CACNA2D2: variants seen among roughly 807,000 people sequenced by gnomAD.
CACNA2D2 encodes calcium voltage-gated channel auxiliary subunit alpha2delta 2.
A neutral mutation model predicts 166.4 loss-of-function variants in CACNA2D2; 48 were observed. The ratio of observed to expected loss-of-function variants is 0.29; its 90% CI spans 0.23 to 0.37. CACNA2D2 has a LOEUF of 0.37. Ranked by LOEUF, CACNA2D2 falls within the 10% of genes least tolerant of loss-of-function variation. The pLI, the probability that CACNA2D2 is intolerant of heterozygous loss-of-function variation, is 1.00. For missense variants in CACNA2D2, 1,122 were observed against 1,433.0 expected, an observed-to-expected ratio of 0.78 and a Z score of 3.50; for synonymous variants, 561 against 573.7, an observed-to-expected ratio of 0.98 and a Z score of 0.32.
At chr3:50,455,482 GAT>G (rs1253153743) in intron 2 of CACNA2D2, among the ~76,000 whole-genome samples, 5 of 152,254 alleles carry the variant, frequency 3.3e-5, no homozygotes, top group Non-Finnish European at 2.9e-5. Flanking sequence ...GGCGTGGAGA[GAT>G]AAATATTTTA....
At chr3:50,412,834 G>A (rs1559924054) in intron 3 of CACNA2D2, among the ~76,000 whole-genome samples, 1 of 152,230 alleles carries the variant, frequency 6.6e-6, no homozygotes, top group Non-Finnish European at 1.5e-5. Flanking sequence ...TTTATCTGGA[G>A]GGGAGAGGGC....
chr3:50,470,339 G>T (rs559306211), intron 2 of CACNA2D2, among the ~76,000 whole-genome samples: 1 of 152,196 alleles, frequency 6.6e-6, no homozygotes, highest in African/African-American at 2.4e-5. Flanking sequence ...CCACTGGGGT[G>T]GGGGAGGCTC....
In CACNA2D2 at chr3:50,365,011, C is replaced by A. The variant is rs745964926; in HGVS notation, c.3209-41G>T. The A allele has an allele frequency of 6.5e-7, 1 of 1,536,664 alleles. No homozygotes were observed. The highest frequency in any genetic ancestry group is 2.5e-5 in the East Asian group (1 of 39,224). ...GAGTCAAGGAGGCGGACGGCGGCGG[C>A]GGCACGGAGGGGGCGCGCGGGGCAG... On this transcript the variant is annotated intron_variant, in intron 36 of 37. Coordinates refer to ENST00000424201, the MANE Select transcript of CACNA2D2 (RefSeq NM_006030.4). The surrounding 1 kb of genome is among the most constrained non-coding windows in gnomAD (Gnocchi z 4.5).
intron 3 of CACNA2D2, among the ~76,000 whole-genome samples, chr3:50,419,101 G>A (rs897277576): frequency 1.3e-5 from 2 of 152,162 alleles, no homozygotes; most frequent in African/African-American, 4.8e-5. Flanking sequence ...ATTATGGGAG[G>A]GGGAGTCTCA....
At chr3:50,374,902 C>A in intron 21 of CACNA2D2, 89 bp from the exon 22 acceptor site, 1 of 1,035,744 alleles carries the variant, frequency 9.7e-7, no homozygotes, top group Non-Finnish European at 1.5e-6. Flanking sequence ...GGCAGAGGCC[C>A]CAGCTGCAGC....
intron 2 of CACNA2D2, among the ~76,000 whole-genome samples, chr3:50,440,842 T>G (rs570254779): frequency 6.6e-6 from 1 of 151,978 alleles, no homozygotes; most frequent in South Asian, 2.1e-4. Context: ...AGGAGACACT[T>G]GGGAGTGGGG....
chr3:50,466,363 G>T (rs763440346), intron 2 of CACNA2D2, among the ~76,000 whole-genome samples: 2 of 151,998 alleles, frequency 1.3e-5, no homozygotes, highest in Non-Finnish European at 2.9e-5. Flanking sequence ...TCGCCTGCTC[G>T]GGTGACAGAG....
intron 2 of CACNA2D2, among the ~76,000 whole-genome samples, chr3:50,461,764 GAAAA>G (rs926187821): frequency 2.3e-3 from 237 of 103,706 alleles, no homozygotes; most frequent in African/African-American, 6.9e-3. Flanking sequence ...AAAAAAAAAA[GAAAA>G]AAAGAAAGAA....
At chr3:50,391,881 G>A (rs1705909366) in intron 4 of CACNA2D2, among the ~76,000 whole-genome samples, 1 of 152,204 alleles carries the variant, frequency 6.6e-6, no homozygotes, top group Non-Finnish European at 1.5e-5. Context: ...CATCTCAGAG[G>A]TAAGAAGACT....
Position 50,474,543 on chromosome 3 carries a change from T to C in CACNA2D2, c.288+1575A>G, listed in dbSNP as rs567727477. 9.2e-5 allele frequency among the ~76,000 whole-genome samples: 14 copies of C among 152,296 alleles called. No individual in the cohort carries two copies. In the South Asian group the frequency reaches 1.9e-3, roughly 20 times the overall value. On this transcript the variant is annotated intron_variant, in intron 2 of 37. Coordinates refer to ENST00000424201, the MANE Select transcript of CACNA2D2 (RefSeq NM_006030.4). ...ATGACGTATGAACACTATTTTCTCA[T>C]TGCCAGACATTCAGAGCCTGAGTTG...
chr3:50,497,564 A>G (rs1289476625), intron 1 of CACNA2D2, among the ~76,000 whole-genome samples: 5 of 152,232 alleles, frequency 3.3e-5, no homozygotes, highest in Admixed American at 2.6e-4. Context: ...GAGCGGGACC[A>G]GGACCGGGGA....
chr3:50,417,403 G>A (rs1349190204), intron 3 of CACNA2D2, among the ~76,000 whole-genome samples: 2 of 152,238 alleles, frequency 1.3e-5, no homozygotes, highest in Non-Finnish European at 2.9e-5. Context: ...ACCCTTGCTT[G>A]TGAACTCTAA....
At position 50,498,866 on chromosome 3, in the gene CACNA2D2, T is replaced by G. The variant is rs150679923; in HGVS notation, c.206+4352A>C. 8.1e-4 allele frequency among the ~76,000 whole-genome samples: 123 copies of G among 152,356 alleles called. 1 individual carries two copies. In the East Asian group the frequency reaches 9.1e-3, roughly 11 times the overall value. On this transcript the variant is annotated intron_variant, in intron 1 of 37. Transcript: ENST00000424201. ...CCAGCCCTCTGGCTGGGCAGCCAAG[T>G]GTCTGACAGATCTATCCTTTCCCCT...
intron 5 of CACNA2D2, among the ~76,000 whole-genome samples, chr3:50,386,431 G>T (rs1018507724): frequency 7.9e-5 from 12 of 152,248 alleles, no homozygotes; most frequent in Non-Finnish European, 1.8e-4. Flanking sequence ...CGCTGCTGAG[G>T]GGGGTAAGGA....
At position 50,432,181 on chromosome 3, in the gene CACNA2D2, C is replaced by G. The variant is rs536527263; in HGVS notation, c.405+2132G>C. On this transcript the variant is annotated intron_variant, in intron 3 of 37. Coordinates refer to ENST00000424201, the MANE Select transcript of CACNA2D2 (RefSeq NM_006030.4). ...CCTTTGGCTGCTCCTCCCAAGCTAT[C>G]GGAGTTGATTGTTCCTTTAGGGGTG... 3.9e-5 allele frequency among the ~76,000 whole-genome samples: 6 copies of G among 152,126 alleles called. No homozygotes were observed. In the East Asian group the frequency reaches 1.2e-3, roughly 29 times the overall value.
intron 5 of CACNA2D2, among the ~76,000 whole-genome samples, chr3:50,386,924 C>T (rs1189300253): frequency 6.6e-6 from 1 of 152,240 alleles, no homozygotes; most frequent in Non-Finnish European, 1.5e-5. Context: ...GTCTTCTCTA[C>T]AGCCACCTCC....
At chr3:50,369,488 CAG>C (rs748899461) in intron 23 of CACNA2D2, among the ~76,000 whole-genome samples, 27 of 152,364 alleles carry the variant, frequency 1.8e-4, no homozygotes, top group African/African-American at 5.8e-4. Context: ...CACACATCTA[CAG>C]AGAGAGTCAC....
chr3:50,472,560 C>T (rs533722782), intron 2 of CACNA2D2, among the ~76,000 whole-genome samples: 3 of 152,140 alleles, frequency 2.0e-5, no homozygotes, highest in African/African-American at 7.2e-5. Flanking sequence ...AGGAATGCAT[C>T]CCGGGGCTGG....
intron 2 of CACNA2D2, among the ~76,000 whole-genome samples, chr3:50,437,468 C>A (rs756391674): frequency 3.3e-5 from 5 of 152,158 alleles, no homozygotes; most frequent in Non-Finnish European, 7.3e-5. Flanking sequence ...CAAGCCTGCT[C>A]CCCAATCCCA....
Sources: allele counts gnomAD v4.1 joint callset (sites outside exome capture counted in the v4.1 genomes callset), GRCh38; gene constraint gnomAD v4.1.1; non-coding constraint Gnocchi (gnomAD v3.1); transcripts MANE v1.5; gene names NCBI Gene and HGNC (gene_info 2026-07-23, HGNC 2026-07-21).